Variants in BDNF observed in about 807,000 individuals in gnomAD.
BDNF encodes the protein brain derived neurotrophic factor.
BDNF carries 1 observed loss-of-function variant against 19.5 expected under a neutral mutation model. The ratio of observed to expected loss-of-function variants is 0.05; its 90% CI spans 0.02 to 0.24. The LOEUF is 0.24. Among genes scored for constraint, BDNF ranks in the 10% least tolerant of loss-of-function variants. The probability of loss-of-function intolerance (pLI) is 1.00; values close to 1 mark genes in which losing one functional copy is unlikely to be tolerated. For missense variants in BDNF, 195 were observed against 317.6 expected (o/e 0.61, Z 2.93); for synonymous variants, 100 against 121.6 (o/e 0.82, Z 1.17).
chr11:27,672,248 A>C (rs1003772364), intron 1 of BDNF, among the ~76,000 whole-genome samples: 2 of 152,214 alleles, frequency 1.3e-5, no homozygotes, highest in Non-Finnish European at 2.9e-5. Flanking sequence ...ACATCTACAC[A>C]ATCATTAATT....
chr11:27,679,029 G>A (rs771722541), intron 1 of BDNF, among the ~76,000 whole-genome samples: 1 of 152,144 alleles, frequency 6.6e-6, no homozygotes, highest in Non-Finnish European at 1.5e-5. Context: ...TCCAGACACT[G>A]GGTTAGGAAA....
At chr11:27,691,575 G>A (rs1440791321) in intron 1 of BDNF, among the ~76,000 whole-genome samples, 1 of 152,098 alleles carries the variant, frequency 6.6e-6, no homozygotes, top group East Asian at 1.9e-4. Flanking sequence ...TGTTTGCTTT[G>A]CTGACTGACA....
chr11:27,703,111 T>C (rs1006295815), upstream of BDNF, among the ~76,000 whole-genome samples: 1 of 152,140 alleles, frequency 6.6e-6, no homozygotes, highest in African/African-American at 2.4e-5. Flanking sequence ...CAGAGTTTAT[T>C]GTGGAATATT....
chr11:27,705,673 G>A (rs1003391180), intron 1 of BDNF, among the ~76,000 whole-genome samples: 8 of 152,202 alleles, frequency 5.3e-5, no homozygotes, highest in African/African-American at 1.7e-4. Context: ...CAGGCATGGT[G>A]AGAATGAAAT....
upstream of BDNF, chr11:27,700,601 A>G (rs1260857703): frequency 4.7e-5 from 45 of 963,112 alleles, no homozygotes; most frequent in Non-Finnish European, 5.1e-5. Context: ...GCTTAAAGGG[A>G]ACGCCGCGTC....
chr11:27,702,214 TACTTA>T (rs1383224864), upstream of BDNF, among the ~76,000 whole-genome samples: 3 of 152,192 alleles, frequency 2.0e-5, no homozygotes, highest in African/African-American at 7.2e-5. Context: ...AGCAGTACCG[TACTTA>T]ACTTGGAGTC....
Position 27,678,439 on chromosome 11 carries a change from C to T in BDNF, c.-21-19854G>A, listed in dbSNP as rs577764366. On this transcript the variant is annotated intron_variant, in intron 1 of 1. Transcript: ENST00000356660. ...TCTAAACATAAACAGACATCAAGAG[C>T]GGGCTGACTTGCAGTGGAAGATGTG... Among the ~76,000 whole-genome samples, 39 of 152,312 alleles carry T rather than the reference C, an allele frequency of 2.6e-4. 1 individual carries two copies. The South Asian group carries it at 6.0e-3, about 23-fold the overall frequency.
intron 1 of BDNF, among the ~76,000 whole-genome samples, chr11:27,668,126 A>C (rs1359290452): frequency 6.6e-6 from 1 of 152,098 alleles, no homozygotes; most frequent in African/African-American, 2.4e-5. Flanking sequence ...ACTCAGAACC[A>C]CTCAACTACA....
chr11:27,661,903 A>T (rs1411833643), intron 1 of BDNF, among the ~76,000 whole-genome samples: 1 of 152,106 alleles, frequency 6.6e-6, no homozygotes, highest in Non-Finnish European at 1.5e-5. Flanking sequence ...GCATCAAATC[A>T]TGCATGCCCC....
upstream of BDNF, chr11:27,701,034 C>A: frequency 2.9e-6 from 4 of 1,358,972 alleles, no homozygotes; most frequent in Non-Finnish European, 3.9e-6. Context: ...TCGCACAGAG[C>A]ATGGGGGCTA....
chr11:27,696,422 T>G (rs1476163691), intron 1 of BDNF: 1 of 152,252 alleles, frequency 6.6e-6, no homozygotes, highest in Non-Finnish European at 1.5e-5. Context: ...CATCTGTGCA[T>G]GTTATTCATC....
At chr11:27,712,197 C>T (rs146376460) in intron 1 of BDNF, among the ~76,000 whole-genome samples, 47 of 152,274 alleles carry the variant, frequency 3.1e-4, no homozygotes, top group African/African-American at 1.1e-3. Context: ...TGAATCTATG[C>T]TGTGTTAATA....
At chr11:27,720,909 G>T (rs1450011391) in intron 1 of BDNF, 4 of 354,412 alleles carry the variant, frequency 1.1e-5, no homozygotes, top group African/African-American at 6.6e-5. Context: ...CCCATTACCG[G>T]TGATATGCAC....
chr11:27,703,646 T>G (rs1170360022), upstream of BDNF, among the ~76,000 whole-genome samples: 2 of 152,190 alleles, frequency 1.3e-5, no homozygotes, highest in Non-Finnish European at 2.9e-5. Flanking sequence ...CCCTTGACAT[T>G]ATATAAATAA....
rs1852555534 is a variant in BDNF at position 27,656,471 on chromosome 11, G to A, written c.*1350C>T. On this transcript the variant is annotated 3_prime_UTR_variant, in exon 2 of 2. Transcript: ENST00000356660. ...GTCATTCCAGAGCCACCTCTGAAGG[G>A]TCCTTCAGAGGCCTTCGTTTTGGAA... is the stretch of plus-strand genomic sequence containing the variant. 21 of 878,104 alleles carry A rather than the reference G, an allele frequency of 2.4e-5. No individual in the cohort carries two copies. In the South Asian group the frequency reaches 5.2e-4, roughly 22 times the overall value. 54.4% of individuals were successfully genotyped at this position (878,104 alleles called of 1,614,324 possible). A position where few individuals can be genotyped will look rare whatever the true frequency, so the allele number is the denominator to read the frequency against.
At chr11:27,707,678 G>T (rs757583222) in intron 1 of BDNF, among the ~76,000 whole-genome samples, 30 of 152,306 alleles carry the variant, frequency 2.0e-4, no homozygotes, top group Non-Finnish European at 2.9e-4. Flanking sequence ...AAAAGTTGAA[G>T]ACAGAGAGAT....
At chr11:27,715,445 A>G (rs1269329809) in intron 1 of BDNF, among the ~76,000 whole-genome samples, 2 of 152,184 alleles carry the variant, frequency 1.3e-5, no homozygotes, top group Non-Finnish European at 2.9e-5. Flanking sequence ...TTTTTGGGGA[A>G]TTAGCAACTA....
chr11:27,700,903 C>G, upstream of BDNF: 1 of 1,316,050 alleles, frequency 7.6e-7, no homozygotes, highest in East Asian at 5.4e-5. Context: ...TCAACTCTCC[C>G]CTTCCTCCCC....
At chr11:27,661,950 C>G (rs769048916) in intron 1 of BDNF, among the ~76,000 whole-genome samples, 2 of 152,180 alleles carry the variant, frequency 1.3e-5, no homozygotes, top group Non-Finnish European at 2.9e-5. Flanking sequence ...GCCTTCCTTC[C>G]CTAAAATTCC....
Sources: allele counts gnomAD v4.1 joint callset (sites outside exome capture counted in the v4.1 genomes callset), GRCh38; gene constraint gnomAD v4.1.1; transcripts MANE v1.5; gene names NCBI Gene and HGNC (gene_info 2026-07-23, HGNC 2026-07-21).